PRDM11: variants seen among roughly 807,000 people sequenced by gnomAD.
PRDM11 encodes the protein PR/SET domain 11.
A neutral mutation model predicts 97.8 loss-of-function variants in PRDM11; 20 were observed. That is an observed-to-expected ratio of 0.20 (90% CI 0.14 to 0.30). The LOEUF is 0.30. PRDM11 is among the 10% of genes least tolerant of loss of function. PRDM11 has a pLI of 1.00. For missense variants in PRDM11, 1,139 were observed against 1,555.2 expected, an observed-to-expected ratio of 0.73 and a Z score of 4.50; for synonymous variants, 599 against 637.7, an observed-to-expected ratio of 0.94 and a Z score of 0.91.
At chr11:45,103,619 G>A in intron 1 of PRDM11, among the ~76,000 whole-genome samples, 1 of 151,772 alleles carries the variant, frequency 6.6e-6, no homozygotes. Context: ...CTTTGAGGGT[G>A]TCAGAAATAC....
At chr11:45,225,433 T>G (rs1403450272) in intron 7 of PRDM11, among the ~76,000 whole-genome samples, 1 of 152,218 alleles carries the variant, frequency 6.6e-6, no homozygotes, top group Non-Finnish European at 1.5e-5. Context: ...CTAGTTCATA[T>G]CTGCAGCTGA....
chr11:45,169,279 C>T (rs1481707417), intron 1 of PRDM11, among the ~76,000 whole-genome samples: 1 of 152,198 alleles, frequency 6.6e-6, no homozygotes, highest in Non-Finnish European at 1.5e-5. Flanking sequence ...ATCAGAAATG[C>T]ATGCATCTGG....
chr11:45,165,632 T>G (rs1000573766), intron 1 of PRDM11, among the ~76,000 whole-genome samples: 16 of 152,240 alleles, frequency 1.1e-4, no homozygotes, highest in African/African-American at 3.9e-4. Flanking sequence ...CAGGGGATCG[T>G]TGCCATGTGG....
chr11:45,173,635 A>G (rs1187380107), intron 1 of PRDM11, among the ~76,000 whole-genome samples: 2 of 151,944 alleles, frequency 1.3e-5, no homozygotes, highest in Non-Finnish European at 2.9e-5. Flanking sequence ...AAAAAAAAAA[A>G]AAAAAAAGTT....
Position 45,148,299 on chromosome 11 carries a change from C to T in PRDM11, c.-7+1422C>T, listed in dbSNP as rs577964195. On this transcript the variant is annotated intron_variant, in intron 1 of 7. Coordinates refer to ENST00000683152, the MANE Select transcript of PRDM11 (RefSeq NM_001384648.1). ...CTTCACATCGTTGTCTTTGGCCTCT[C>T]TGAGCCTTGTGTCTCCATCCCTGAG... is the stretch of plus-strand genomic sequence containing the variant. 5.3e-4 allele frequency among the ~76,000 whole-genome samples: 80 copies of T among 152,336 alleles called. 2 individuals are homozygous for T. The South Asian group carries it at 0.016, about 30-fold the overall frequency.
At chr11:45,224,177 G>T in intron 6 of PRDM11, 40 bp from the exon 7 acceptor site, 5 of 1,526,436 alleles carry the variant, frequency 3.3e-6, no homozygotes, top group Non-Finnish European at 4.4e-6. Flanking sequence ...CCAATTTGGG[G>T]GTTTTCCCCA....
chr11:45,124,723 C>T (rs1035582895), intron 1 of PRDM11, among the ~76,000 whole-genome samples: 12 of 152,130 alleles, frequency 7.9e-5, no homozygotes, highest in Admixed American at 2.0e-4. Context: ...TTTTGATGTG[C>T]TGCTGGATTC....
chr11:45,211,968 C>T (rs1467127408), intron 5 of PRDM11, among the ~76,000 whole-genome samples: 5 of 152,200 alleles, frequency 3.3e-5, no homozygotes, highest in Non-Finnish European at 7.3e-5. Flanking sequence ...GTCTGGTGCT[C>T]AGAGGGCCAA....
intron 1 of PRDM11, among the ~76,000 whole-genome samples, chr11:45,155,751 GTC>G (rs1369093942): frequency 6.6e-6 from 1 of 151,892 alleles, no homozygotes. Flanking sequence ...GAAACCGGCA[GTC>G]TCTCTTGACC....
chr11:45,211,619 T>C (rs996258133), intron 5 of PRDM11, among the ~76,000 whole-genome samples: 2 of 152,194 alleles, frequency 1.3e-5, no homozygotes, highest in Admixed American at 6.5e-5. Context: ...GTGGCTCTCC[T>C]GCTCTGCACT....
At chr11:45,199,529 G>C (rs780485636) in intron 4 of PRDM11, among the ~76,000 whole-genome samples, 23 of 152,184 alleles carry the variant, frequency 1.5e-4, no homozygotes, top group Admixed American at 2.6e-4. Flanking sequence ...AGGTTCCCCA[G>C]GTTATCAGCC....
intron 1 of PRDM11, among the ~76,000 whole-genome samples, chr11:45,103,607 G>A (rs1188239241): frequency 6.6e-6 from 1 of 151,830 alleles, no homozygotes; most frequent in Non-Finnish European, 1.5e-5. Flanking sequence ...GCTTGAGGGG[G>A]CCTTTGAGGG....
intron 5 of PRDM11, among the ~76,000 whole-genome samples, chr11:45,206,215 C>T (rs1016214629): frequency 6.6e-6 from 1 of 152,212 alleles, no homozygotes; most frequent in Non-Finnish European, 1.5e-5. Flanking sequence ...GCCCCACCCC[C>T]GCTGGCCCTT....
chr11:45,178,386 C>G (rs1050317241), intron 1 of PRDM11, among the ~76,000 whole-genome samples: 2 of 152,134 alleles, frequency 1.3e-5, no homozygotes, highest in Non-Finnish European at 2.9e-5. Context: ...CGTCAGAATC[C>G]GGCTCTGAGT....
intron 1 of PRDM11, among the ~76,000 whole-genome samples, chr11:45,108,508 A>C (rs1852104833): frequency 6.6e-6 from 1 of 151,908 alleles, no homozygotes; most frequent in African/African-American, 2.4e-5. Context: ...TGCCTCCTGC[A>C]CTCTCGGCTG....
chr11:45,182,904 C>T lies in PRDM11; in HGVS notation c.267C>T (p.Asn89=). ...CQEYFVDECP[N]HGPPVFVSDT... is the part of the protein sequence containing the mutation. The stretch of plus-strand genomic sequence containing the variant: ...AGTACTTCGTGGATGAATGCCCAAA[C>T]CATGGCCCCCCGGTGTTTGTGTCTG... The change falls in exon 4 of 8, where the codon AAC becomes AAT. Residue 89 remains asparagine, a synonymous_variant. Coordinates refer to ENST00000683152, the MANE Select transcript of PRDM11 (RefSeq NM_001384648.1). The T allele has an allele frequency of 6.2e-7, 1 of 1,610,618 alleles. No individual in the cohort carries two copies. Among genetic ancestry groups the T allele is most frequent in the Non-Finnish European group, 8.5e-7 (1 of 1,177,972 alleles).
chr11:45,118,714 G>A (rs985059336), intron 1 of PRDM11, among the ~76,000 whole-genome samples: 1 of 152,232 alleles, frequency 6.6e-6, no homozygotes, highest in East Asian at 1.9e-4. Context: ...AATCTATGGA[G>A]ATATAATAAA....
chr11:45,119,220 T>G (rs1036043261), intron 1 of PRDM11, among the ~76,000 whole-genome samples: 1 of 152,172 alleles, frequency 6.6e-6, no homozygotes, highest in African/African-American at 2.4e-5. Flanking sequence ...AATCACAAAC[T>G]AGTTTCCTTC....
rs116555663 is a variant in PRDM11 at position 45,220,010 on chromosome 11, G to A, written c.742+253G>A. ...ATTTCAGAGTATTCATGAGAGAGAC[G>A]CCCCCAAAACCGAGCAAATATGTTT... On this transcript the variant is annotated intron_variant, in intron 6 of 7. Coordinates refer to ENST00000683152, the MANE Select transcript of PRDM11 (RefSeq NM_001384648.1). Among the ~76,000 whole-genome samples the A allele has an allele frequency of 2.7e-3, 416 of 152,140 alleles. 2 individuals carry two copies. The highest frequency in any genetic ancestry group is 9.4e-3 in the African/African-American group (388 of 41,484).
Sources: gnomAD v4.1 joint callset for allele counts (sites outside exome capture counted in the v4.1 genomes callset) on GRCh38, gnomAD v4.1.1 for gene constraint, MANE v1.5 for transcripts, NCBI Gene and HGNC (gene_info 2026-07-23, HGNC 2026-07-21) for gene names.